Variants in GRM7 observed in about 807,000 individuals in gnomAD.
The protein encoded by GRM7 is glutamate metabotropic receptor 7.
Under a neutral mutation model 84.5 loss-of-function variants are expected in GRM7, and 35 were observed. The observed-to-expected ratio is 0.41, with a 90% CI of 0.32 to 0.55. GRM7 has a LOEUF of 0.55. Ranked by LOEUF, GRM7 falls within the 20% of genes least tolerant of loss-of-function variation. The pLI, the probability that GRM7 is intolerant of heterozygous loss-of-function variation, is 0.19. For synonymous variants in GRM7, 487 were observed against 455.1 expected (o/e 1.07, Z -0.89); for missense variants, 1,003 against 1,194.6 (o/e 0.84, Z 2.36).
At chr3:7,574,512 G>A (rs1167167183) in intron 7 of GRM7, among the ~76,000 whole-genome samples, 1 of 152,168 alleles carries the variant, frequency 6.6e-6, no homozygotes, top group African/African-American at 2.4e-5. Context: ...CATCATGTAT[G>A]CACAAATCAA....
At chr3:7,503,855 G>C (rs960521944) in intron 7 of GRM7, among the ~76,000 whole-genome samples, 2 of 151,994 alleles carry the variant, frequency 1.3e-5, no homozygotes, top group Non-Finnish European at 2.9e-5. Flanking sequence ...AATGAATGCA[G>C]AGCTAAGGCA....
At position 7,204,028 on chromosome 3, in the gene GRM7, A is replaced by G. The variant is rs540507087; in HGVS notation, c.736+57360A>G. Among the ~76,000 whole-genome samples, 344 of 152,328 alleles carry G rather than the reference A, an allele frequency of 2.3e-3. 3 individuals are homozygous for G. The highest frequency in any genetic ancestry group is 7.9e-3 in the African/African-American group (328 of 41,580). ...AGATATAATATTTATGATTGGAAAC[A>G]TTTCAAATATCATTTTCTATAAATA... On this transcript the variant is annotated intron_variant, in intron 2 of 9. Transcript: ENST00000357716.
chr3:7,050,003 T>C (rs1447421823), intron 1 of GRM7, among the ~76,000 whole-genome samples: 1 of 151,874 alleles, frequency 6.6e-6, no homozygotes, highest in Non-Finnish European at 1.5e-5. Context: ...TGTAAAGTTC[T>C]AATCAGGAAA....
At chr3:7,296,058 A>C (rs181048662) in intron 2 of GRM7, among the ~76,000 whole-genome samples, 1 of 152,128 alleles carries the variant, frequency 6.6e-6, no homozygotes, top group East Asian at 1.9e-4. Flanking sequence ...TTCTAATTCT[A>C]GTTTACAGAG....
At chr3:7,034,799 T>C (rs34434790) in intron 1 of GRM7, among the ~76,000 whole-genome samples, 11,581 of 152,202 alleles carry the variant, frequency 0.076, 1,481 homozygotes, top group African/African-American at 0.26. Flanking sequence ...GCTGGAGTCA[T>C]GTCAATTCCT....
intron 1 of GRM7, among the ~76,000 whole-genome samples, chr3:7,121,341 CCAT>C (rs1693211804): frequency 2.4e-5 from 2 of 81,660 alleles, no homozygotes; most frequent in South Asian, 7.4e-4. Flanking sequence ...ATTCATCCAT[CCAT>C]CCATCCATCC....
intron 8 of GRM7, among the ~76,000 whole-genome samples, chr3:7,601,581 T>C: frequency 6.6e-6 from 1 of 152,246 alleles, no homozygotes; most frequent in African/African-American, 2.4e-5. Flanking sequence ...ATCTTGTATC[T>C]ATTTAAAATG....
chr3:7,476,463 C>T (rs1487281672), intron 7 of GRM7, among the ~76,000 whole-genome samples: 1 of 152,128 alleles, frequency 6.6e-6, no homozygotes, highest in Non-Finnish European at 1.5e-5. Context: ...AGGAGAATCG[C>T]TTGAACCCAG....
intron 1 of GRM7, among the ~76,000 whole-genome samples, chr3:7,041,562 A>G (rs1023082120): frequency 2.0e-5 from 3 of 152,222 alleles, no homozygotes; most frequent in Admixed American, 1.3e-4. Flanking sequence ...TATTTCTACT[A>G]TTACAAGTGA....
At chr3:7,131,784 C>G (rs1693609775) in intron 1 of GRM7, among the ~76,000 whole-genome samples, 1 of 152,106 alleles carries the variant, frequency 6.6e-6, no homozygotes, top group African/African-American at 2.4e-5. Flanking sequence ...CGCACCCAGG[C>G]TATTCTGTGT....
At chr3:6,929,161 C>T (rs367878805) in intron 1 of GRM7, among the ~76,000 whole-genome samples, 40 of 152,262 alleles carry the variant, frequency 2.6e-4, no homozygotes, top group Admixed American at 1.6e-3. Flanking sequence ...GAGTAGTTGA[C>T]GGAGGTGTGA....
intron 2 of GRM7, among the ~76,000 whole-genome samples, chr3:7,181,886 C>G (rs1695349866): frequency 6.6e-6 from 1 of 152,136 alleles, no homozygotes; most frequent in African/African-American, 2.4e-5. Flanking sequence ...GCTGGGATTA[C>G]AGGTGTGAGC....
intron 8 of GRM7, among the ~76,000 whole-genome samples, chr3:7,597,732 T>A (rs1245893850): frequency 6.6e-6 from 1 of 152,158 alleles, no homozygotes; most frequent in African/African-American, 2.4e-5. Context: ...AGTATGTTTT[T>A]TTGCTAGGAC....
At chr3:6,885,682 A>C (rs1309263018) in intron 1 of GRM7, among the ~76,000 whole-genome samples, 2 of 152,240 alleles carry the variant, frequency 1.3e-5, no homozygotes, top group Non-Finnish European at 2.9e-5. Flanking sequence ...ATGAAGACCA[A>C]CCAACTTAAA....
chr3:7,356,375 C>T (rs1028211498), intron 4 of GRM7, among the ~76,000 whole-genome samples: 2 of 146,810 alleles, frequency 1.4e-5, no homozygotes, highest in Non-Finnish European at 3.0e-5. Context: ...GATCTCGGCT[C>T]GCTGCAGCCT....
chr3:6,905,246 G>A (rs560366830), intron 1 of GRM7, among the ~76,000 whole-genome samples: 1 of 152,260 alleles, frequency 6.6e-6, no homozygotes, highest in East Asian at 1.9e-4. Context: ...CTTAACTAGT[G>A]TGTATTTCCT....
At position 7,252,821 on chromosome 3, in the gene GRM7, T is replaced by G. The variant is rs368917119; in HGVS notation, c.737-45863T>G. ...TTCCTGCCTCAGCCTCCAGAGTAGC[T>G]GCGACTATAGGCGCCCGCCACCACA... On this transcript the variant is annotated intron_variant, in intron 2 of 9. Coordinates refer to ENST00000357716, the MANE Select transcript of GRM7 (RefSeq NM_000844.4). Among the ~76,000 whole-genome samples the G allele has an allele frequency of 4.1e-3, 622 of 151,644 alleles. 4 individuals carry two copies. Among genetic ancestry groups the G allele is most frequent in the African/African-American group, 0.014 (578 of 41,310 alleles).
intron 2 of GRM7, among the ~76,000 whole-genome samples, chr3:7,196,952 T>G (rs1439308232): frequency 6.6e-6 from 1 of 152,178 alleles, no homozygotes; most frequent in Non-Finnish European, 1.5e-5. Flanking sequence ...GAAAACATTC[T>G]TTTTAATCAG....
intron 1 of GRM7, among the ~76,000 whole-genome samples, chr3:6,986,215 A>G (rs1303220987): frequency 1.3e-5 from 2 of 152,226 alleles, no homozygotes; most frequent in African/African-American, 4.8e-5. Context: ...AACAAAAATA[A>G]AAATGAAAAA....
Sources: gnomAD v4.1 joint callset for allele counts (sites outside exome capture counted in the v4.1 genomes callset) on GRCh38, gnomAD v4.1.1 for gene constraint, MANE v1.5 for transcripts, NCBI Gene and HGNC (gene_info 2026-07-23, HGNC 2026-07-21) for gene names.